Variants in CCDC158 observed in about 807,000 individuals in gnomAD.
The protein encoded by CCDC158 is coiled-coil domain-containing protein 158.
In CCDC158, 116 loss-of-function variants were observed where a neutral mutation model predicts 138.6. The observed-to-expected ratio is 0.84, with a 90% CI of 0.72 to 0.98. The LOEUF (loss-of-function observed/expected upper bound fraction) is 0.98. CCDC158 is among the 50% of genes least tolerant of loss of function. The pLI, the probability that CCDC158 is intolerant of heterozygous loss-of-function variation, is 0.00. For synonymous variants in CCDC158, 436 were observed against 442.4 expected (o/e 0.99, Z 0.18); for missense variants, 1,265 against 1,306.1 (o/e 0.97, Z 0.48).
chr4:76,364,062 G>A (rs1724417885), intron 12 of CCDC158, among the ~76,000 whole-genome samples: 1 of 152,130 alleles, frequency 6.6e-6, no homozygotes, highest in African/African-American at 2.4e-5. Context: ...CCCCCAGCAT[G>A]GCATGCTTCT....
In CCDC158 at chr4:76,403,240, G is replaced by T; in HGVS notation, c.-33C>A. 6.9e-7 allele frequency: 1 copy of T among 1,449,940 alleles called. No homozygotes were observed. 89.8% of individuals were successfully genotyped at this position (1,449,940 alleles called of 1,614,324 possible). The stretch of plus-strand genomic sequence containing the variant: ...ATTGCTACTTCTTATTAGAGATCTT[G>T]AAGTATGAATGGTTCCCTCTTTGGT... On this transcript the variant is annotated 5_prime_UTR_variant, in exon 3 of 25. Coordinates refer to ENST00000682701, the MANE Select transcript of CCDC158 (RefSeq NM_001394954.1).
chr4:76,321,123 A>G (rs1463283435), intron 24 of CCDC158, among the ~76,000 whole-genome samples: 1 of 152,222 alleles, frequency 6.6e-6, no homozygotes, highest in Non-Finnish European at 1.5e-5. Flanking sequence ...ACAATTCTCA[A>G]AAGAAGATAC....
intron 1 of CCDC158, among the ~76,000 whole-genome samples, chr4:76,416,409 C>T (rs9685227): frequency 0.069 from 10,489 of 152,206 alleles, 464 homozygotes; most frequent in South Asian, 0.17. Context: ...TCTCCGCACA[C>T]GGGGAGAAAA....
upstream of CCDC158, among the ~76,000 whole-genome samples, chr4:76,421,585 C>A (rs1252107027): frequency 1.3e-5 from 2 of 152,076 alleles, no homozygotes; most frequent in African/African-American, 4.8e-5. Flanking sequence ...CTGACCCGCA[C>A]CAGTCTGAGC....
chr4:76,335,805 T>C (rs1721429195), intron 18 of CCDC158, among the ~76,000 whole-genome samples: 1 of 152,152 alleles, frequency 6.6e-6, no homozygotes, highest in Non-Finnish European at 1.5e-5. Context: ...ACTCCTGGAC[T>C]CAGGCGATCC....
At chr4:76,321,699 G>A (rs1020717224) in intron 24 of CCDC158, among the ~76,000 whole-genome samples, 1 of 145,132 alleles carries the variant, frequency 6.9e-6, no homozygotes, top group African/African-American at 2.5e-5. Flanking sequence ...TACATGGTGT[G>A]TGTATATATA....
chr4:76,408,110 C>T (rs528470165), intron 2 of CCDC158, among the ~76,000 whole-genome samples: 1 of 150,828 alleles, frequency 6.6e-6, no homozygotes, highest in Admixed American at 6.6e-5. Context: ...GCTCCTTGTG[C>T]AGCAGGGCTA....
intron 12 of CCDC158, among the ~76,000 whole-genome samples, chr4:76,363,589 A>C (rs1370523625): frequency 6.6e-6 from 1 of 152,118 alleles, no homozygotes; most frequent in Non-Finnish European, 1.5e-5. Context: ...GAGCATAAGG[A>C]CAAGACACGT....
chr4:76,372,507 G>GT (rs2110261236), intron 9 of CCDC158, among the ~76,000 whole-genome samples: 1 of 152,294 alleles, frequency 6.6e-6, no homozygotes, highest in South Asian at 2.1e-4. Context: ...GAACTGTATT[G>GT]TACTTAGAAG....
At chr4:76,417,161 C>A (rs1720111110) in intron 1 of CCDC158, among the ~76,000 whole-genome samples, 1 of 152,182 alleles carries the variant, frequency 6.6e-6, no homozygotes, top group South Asian at 2.1e-4. Context: ...CATTTTGTAG[C>A]TTTAAAATTT....
chr4:76,344,793 T>C, intron 18 of CCDC158: 1 of 1,607,440 alleles, frequency 6.2e-7, no homozygotes, highest in South Asian at 1.1e-5. Flanking sequence ...GAAGCCCGAC[T>C]TCAATGGTCC....
At chr4:76,382,556 G>T in intron 8 of CCDC158, 54 bp downstream of exon 8, 2 of 1,078,504 alleles carry the variant, frequency 1.9e-6, no homozygotes, top group Non-Finnish European at 1.4e-6. Context: ...GAAAGTTAAT[G>T]AGAATAATAT....
chr4:76,317,401 T>C (rs1719506340), intron 24 of CCDC158, among the ~76,000 whole-genome samples: 1 of 152,110 alleles, frequency 6.6e-6, no homozygotes, highest in East Asian at 1.9e-4. Context: ...TATTATATAG[T>C]GATAAAGGAT....
chr4:76,346,425 A>C (rs1722550282), intron 18 of CCDC158, among the ~76,000 whole-genome samples: 1 of 152,248 alleles, frequency 6.6e-6, no homozygotes, highest in Non-Finnish European at 1.5e-5. Flanking sequence ...ACAGCAAAAT[A>C]AACTAGGCTG....
intron 13 of CCDC158, among the ~76,000 whole-genome samples, chr4:76,361,882 A>G (rs1370686253): frequency 2.0e-5 from 3 of 152,212 alleles, no homozygotes; most frequent in African/African-American, 7.2e-5. Context: ...TCTCTTAGAA[A>G]TTCAGTACAG....
At chr4:76,365,159 G>A (rs986100520) in intron 12 of CCDC158, among the ~76,000 whole-genome samples, 2 of 152,108 alleles carry the variant, frequency 1.3e-5, no homozygotes, top group Admixed American at 6.6e-5. Context: ...TCTAGCTCTG[G>A]GGACCCACAG....
At chr4:76,361,720 CAT>C (rs765589019) in intron 13 of CCDC158, among the ~76,000 whole-genome samples, 3 of 152,188 alleles carry the variant, frequency 2.0e-5, no homozygotes, top group Non-Finnish European at 4.4e-5. Context: ...TCTATTTTCA[CAT>C]GTCACTTCAT....
At chr4:76,318,204 A>G (rs188408911) in intron 24 of CCDC158, among the ~76,000 whole-genome samples, 1 of 152,162 alleles carries the variant, frequency 6.6e-6, no homozygotes, top group Non-Finnish European at 1.5e-5. Context: ...AAAAAACAAT[A>G]CAAAAGACAA....
chr4:76,345,272 G>C (rs1722435452), intron 18 of CCDC158: 2 of 945,160 alleles, frequency 2.1e-6, no homozygotes, highest in Non-Finnish European at 3.5e-6. Flanking sequence ...GATACTACAT[G>C]CTCAACATCG....
Sources: allele counts gnomAD v4.1 joint callset (sites outside exome capture counted in the v4.1 genomes callset), GRCh38; gene constraint gnomAD v4.1.1; transcripts MANE v1.5; gene names NCBI Gene and HGNC (gene_info 2026-07-23, HGNC 2026-07-21).